DSE: variants seen among roughly 807,000 people sequenced by gnomAD.
DSE encodes dermatan sulfate epimerase.
A neutral mutation model predicts 84.4 loss-of-function variants in DSE; 36 were observed. That is an observed-to-expected ratio of 0.43 (90% CI 0.33 to 0.56). DSE has a LOEUF of 0.56. Among genes scored for constraint, DSE ranks in the 20% least tolerant of loss-of-function variants. The pLI, the probability that DSE is intolerant of heterozygous loss-of-function variation, is 0.06. For missense variants in DSE, 862 were observed against 1,169.6 expected (o/e 0.74, Z 3.84); for synonymous variants, 410 against 430.1 (o/e 0.95, Z 0.58).
chr6:116,262,908 G>T (rs1406167628), intron 2 of DSE, among the ~76,000 whole-genome samples: 1 of 152,176 alleles, frequency 6.6e-6, no homozygotes, highest in Non-Finnish European at 1.5e-5. Context: ...CAATTTCCAT[G>T]TAACTGTATG....
intron 2 of DSE, among the ~76,000 whole-genome samples, chr6:116,273,832 TTG>T (rs1491512118): frequency 9.3e-5 from 8 of 86,062 alleles, no homozygotes; most frequent in African/African-American, 4.8e-4. Flanking sequence ...GTATGTTTTT[TTG>T]TTTTTTTTTT....
intron 2 of DSE, among the ~76,000 whole-genome samples, chr6:116,296,161 A>G (rs1171034505): frequency 6.6e-6 from 1 of 152,170 alleles, no homozygotes; most frequent in East Asian, 1.9e-4. Context: ...TTGATAGAAA[A>G]TGATGTAGTA....
upstream of DSE, chr6:116,370,389 G>T: frequency 1.9e-5 from 14 of 746,030 alleles, no homozygotes; most frequent in Non-Finnish European, 2.3e-5. Flanking sequence ...CCGCCCCAAA[G>T]TCCCCCCTCC....
chr6:116,335,270 A>T (rs1777172598), intron 2 of DSE, among the ~76,000 whole-genome samples: 1 of 152,216 alleles, frequency 6.6e-6, no homozygotes, highest in African/African-American at 2.4e-5. Flanking sequence ...AAACTAACAC[A>T]GAAAGAGAAA....
chr6:116,441,942 A>G lies in DSE; in HGVS notation c.*4597A>G, dbSNP rs1430432073. On this transcript the variant is annotated 3_prime_UTR_variant, in exon 6 of 6. Coordinates refer to ENST00000644252, the MANE Select transcript of DSE (RefSeq NM_013352.4). ...ATAGTTTATGTTCTAGTGGGAGCAAATAATAACAGTAATAGTGCAGGATGT... is the reference window on the plus strand; with the variant it reads ...ATAGTTTATGTTCTAGTGGGAGCAAGTAATAACAGTAATAGTGCAGGATGT... 1.3e-5 allele frequency: 2 copies of G among 152,240 alleles called. No individual in the cohort carries two copies. The highest frequency in any genetic ancestry group is 2.9e-5 in the Non-Finnish European group (2 of 68,038). 9.4% of individuals were successfully genotyped at this position (152,240 alleles called of 1,614,324 possible).
chr6:116,278,680 T>C, intron 2 of DSE: 1 of 1,614,150 alleles, frequency 6.2e-7, no homozygotes, highest in Non-Finnish European at 8.5e-7. Context: ...TGGAAGGCTG[T>C]GGTCTGAAAA....
chr6:116,431,338 T>G (rs1783828315), intron 4 of DSE, 145 bp downstream of exon 4: 1 of 1,201,884 alleles, frequency 8.3e-7, no homozygotes, highest in Admixed American at 2.9e-5. Flanking sequence ...AAAGAAAAAT[T>G]GAATTCAAGA....
intron 4 of DSE, among the ~76,000 whole-genome samples, chr6:116,431,763 C>T (rs1783854583): frequency 6.6e-6 from 1 of 151,966 alleles, no homozygotes; most frequent in African/African-American, 2.4e-5. Context: ...TGTCATTTAG[C>T]CTTCTAAGAG....
intron 2 of DSE, among the ~76,000 whole-genome samples, chr6:116,281,285 C>A (rs534581326): frequency 4.9e-4 from 75 of 152,282 alleles, no homozygotes; most frequent in African/African-American, 1.8e-3. Context: ...GAAATAGATT[C>A]AATCCTAGAG....
chr6:116,265,831 G>C (rs7766173), intron 2 of DSE, among the ~76,000 whole-genome samples: 36,739 of 152,130 alleles, frequency 0.24, 5,563 homozygotes, highest in East Asian at 0.64. Context: ...GTCAAGCCTA[G>C]AGGGGACAGC....
rs1562303888 is a variant in DSE at position 116,425,619 on chromosome 6, AT to A, written c.417-951del. Among the ~76,000 whole-genome samples the A allele has an allele frequency of 3.4e-3, 163 of 48,488 alleles. 1 individual carries two copies. The highest frequency in any genetic ancestry group is 0.014 in the Admixed American group (65 of 4,550). 31.8% of individuals were successfully genotyped at this position (48,488 alleles called of 152,430 possible). A position where few individuals can be genotyped will look rare whatever the true frequency, so the allele number is the denominator to read the frequency against. On this transcript the variant is annotated intron_variant, in intron 2 of 5. Coordinates refer to ENST00000644252, the MANE Select transcript of DSE (RefSeq NM_013352.4). ...TTTTTATTTTATTTTATTTATTTTT[AT>A]TTTATTTTATTTTTTTTTTTGAGAC...
At chr6:116,392,816 T>C (rs1195137216) in intron 1 of DSE, among the ~76,000 whole-genome samples, 1 of 152,182 alleles carries the variant, frequency 6.6e-6, no homozygotes, top group Non-Finnish European at 1.5e-5. Context: ...TCAGAAAATA[T>C]TTCCCAATCT....
intron 2 of DSE, among the ~76,000 whole-genome samples, chr6:116,312,886 A>T (rs1775772758): frequency 6.6e-6 from 1 of 152,166 alleles, no homozygotes; most frequent in African/African-American, 2.4e-5. Flanking sequence ...GTAATTTGGG[A>T]TGGTGATAAC....
Position 116,259,191 on chromosome 6 carries a change from A to T in DSE, c.-54+224A>T, listed in dbSNP as rs926408198. On this transcript the variant is annotated intron_variant, in intron 2 of 3. Coordinates refer to the DSE transcript ENST00000430252. Reference sequence around the variant, plus strand: ...ACCCTGGCACAGACAGGAAGAGCAAACTTACTTGTAATTTAAAGGAAAAAT... The same window carrying T: ...ACCCTGGCACAGACAGGAAGAGCAATCTTACTTGTAATTTAAAGGAAAAAT... 8.9e-6 allele frequency: 6 copies of T among 672,438 alleles called. No individual in the cohort carries two copies. The African/African-American group carries it at 1.1e-4, about 12-fold the overall frequency. 41.7% of individuals were successfully genotyped at this position (672,438 alleles called of 1,614,324 possible).
chr6:116,425,608 TATTTATTTTTATTTTATTTTA>T (rs1299018852), intron 2 of DSE, among the ~76,000 whole-genome samples: 2 of 83,094 alleles, frequency 2.4e-5, no homozygotes, highest in Non-Finnish European at 6.5e-5. Context: ...TATTTTATTT[TATTTATTTTTATTTTATTTTA>T]TTTTTTTTTT....
intron 2 of DSE, among the ~76,000 whole-genome samples, chr6:116,275,832 A>T (rs1209819060): frequency 1.3e-5 from 2 of 151,974 alleles, no homozygotes; most frequent in Non-Finnish European, 2.9e-5. Context: ...GATGCAATGA[A>T]CCATGTAAAA....
In DSE at chr6:116,410,733, C is replaced by CAAAAAAA. The variant is rs765969508; in HGVS notation, c.416+11094_416+11100dup. Among the ~76,000 whole-genome samples, 240 of 79,580 alleles carry CAAAAAAA rather than the reference C, an allele frequency of 3.0e-3. 7 individuals are homozygous for CAAAAAAA. Among genetic ancestry groups the CAAAAAAA allele is most frequent in the African/African-American group, 5.6e-3 (95 of 16,904 alleles). The allele number at this position is 79,580 out of a possible 152,430, so 52.2% of individuals were successfully genotyped here. On this transcript the variant is annotated intron_variant, in intron 2 of 5. Coordinates refer to ENST00000644252, the MANE Select transcript of DSE (RefSeq NM_013352.4). The stretch of plus-strand genomic sequence containing the variant: ...TGGGCGACAGAGCGAGACTCTGTCT[C>CAAAAAAA]AAAAAAAAAAAAAAAAAAAAAAAAA...
exon 2 of DSE, chr6:116,258,880 T>C (rs1464804175): frequency 6.2e-7 from 1 of 1,606,044 alleles, no homozygotes; most frequent in East Asian, 2.2e-5. Context: ...GTTGCAGCCG[T>C]GCATCATCAT....
intron 2 of DSE, among the ~76,000 whole-genome samples, chr6:116,298,147 A>G (rs947747547): frequency 6.6e-6 from 1 of 152,216 alleles, no homozygotes; most frequent in Non-Finnish European, 1.5e-5. Flanking sequence ...AGTTAATGCC[A>G]GTACCAAATC....
Sources: gnomAD v4.1 joint callset for allele counts (sites outside exome capture counted in the v4.1 genomes callset) on GRCh38, gnomAD v4.1.1 for gene constraint, MANE v1.5 for transcripts, NCBI Gene and HGNC (gene_info 2026-07-23, HGNC 2026-07-21) for gene names.